LPA: variants seen among roughly 807,000 people sequenced by gnomAD.
LPA encodes lipoprotein(a).
In LPA, 199 loss-of-function variants were observed where a neutral mutation model predicts 197.9. The observed-to-expected ratio is 1.01, with a 90% CI of 0.90 to 1.13. The LOEUF is 1.13. LPA is among the 50% of genes most tolerant of loss of function. The pLI is 0.00. For missense variants in LPA, 1,853 were observed against 1,785.8 expected (o/e 1.04, Z -0.68); for synonymous variants, 715 against 639.5 (o/e 1.12, Z -1.78).
intron 36 of LPA, among the ~76,000 whole-genome samples, chr6:160,539,588 C>T (rs1777946430): frequency 1.3e-5 from 2 of 152,050 alleles, no homozygotes; most frequent in South Asian, 2.1e-4. Flanking sequence ...AAGTCCTGGG[C>T]TCAAGCAATT....
Position 160,664,226 on chromosome 6 carries a change from C to A in LPA, c.-12G>T, listed in dbSNP as rs1454607257. 6.9e-6 allele frequency: 11 copies of A among 1,605,352 alleles called. No individual in the cohort carries two copies. The Admixed American group carries it at 1.8e-4, about 27-fold the overall frequency. On this transcript the variant is annotated 5_prime_UTR_variant, in exon 1 of 39. Transcript: ENST00000316300. ...TCCTTATGTTCCATTTTGGGACTGG[C>A]CAGCAGTGCCCAGAAAGTGTGTCCC...
intron 7 of LPA, among the ~76,000 whole-genome samples, chr6:160,634,609 C>A (rs1278790719): frequency 1.3e-5 from 2 of 148,500 alleles, no homozygotes; most frequent in African/African-American, 5.2e-5. Context: ...AAGCCTAGGA[C>A]TGAAGAGCCT....
At chr6:160,544,389 A>T (rs1451601606) in intron 33 of LPA, among the ~76,000 whole-genome samples, 1 of 152,198 alleles carries the variant, frequency 6.6e-6, no homozygotes, top group Non-Finnish European at 1.5e-5. Flanking sequence ...GAAAAAAGTC[A>T]GCTATCAACT....
At chr6:160,594,941 C>T (rs1264643555) in intron 21 of LPA, among the ~76,000 whole-genome samples, 1 of 152,176 alleles carries the variant, frequency 6.6e-6, no homozygotes, top group Non-Finnish European at 1.5e-5. Flanking sequence ...GACTCAAAAA[C>T]CGCATTCCTC....
chr6:160,593,780 C>A (rs1305141115), intron 22 of LPA, among the ~76,000 whole-genome samples, 178 bp downstream of exon 22: 1 of 152,172 alleles, frequency 6.6e-6, no homozygotes, highest in South Asian at 2.1e-4. Flanking sequence ...GAAAAGAGAG[C>A]TGGCCTGACA....
At chr6:160,647,534 C>T (rs1187069708) in intron 2 of LPA, among the ~76,000 whole-genome samples, 1 of 152,180 alleles carries the variant, frequency 6.6e-6, no homozygotes. Context: ...GTACTAAGAG[C>T]CAGAGCTCTT....
chr6:160,651,945 A>C (rs1017738495), intron 1 of LPA, among the ~76,000 whole-genome samples: 2 of 152,034 alleles, frequency 1.3e-5, no homozygotes, highest in African/African-American at 4.8e-5. Flanking sequence ...CTAACAAAAT[A>C]ATCCATAAAC....
At chr6:160,611,415 G>A (rs886946987) in intron 16 of LPA, 147 bp downstream of exon 16, 17 of 1,480,106 alleles carry the variant, frequency 1.1e-5, no homozygotes, top group East Asian at 2.3e-5. Context: ...CAGACCCTTA[G>A]CTCCAAGGAA....
At chr6:160,651,367 C>T (rs1030335164) in intron 1 of LPA, among the ~76,000 whole-genome samples, 3 of 152,162 alleles carry the variant, frequency 2.0e-5, no homozygotes, top group African/African-American at 7.2e-5. Flanking sequence ...TAGATAGGAA[C>T]ACTGAGAAAA....
In LPA at chr6:160,572,425, A is replaced by G. The variant is rs73594879; in HGVS notation, c.4631+4711T>C. On this transcript the variant is annotated intron_variant, in intron 28 of 38. Coordinates refer to ENST00000316300, the MANE Select transcript of LPA (RefSeq NM_005577.4). ...AATGTGAGGTGCCACTGCATTCATC[A>G]TATTCTTTATTGCCTCCGTACTTTG... Among the ~76,000 whole-genome samples, 1,504 of 152,224 alleles carry G rather than the reference A, an allele frequency of 9.9e-3. 23 individuals are homozygous for G. The highest frequency in any genetic ancestry group is 0.034 in the African/African-American group (1,423 of 41,540).
At chr6:160,545,830 A>G (rs1778060822) in intron 32 of LPA, among the ~76,000 whole-genome samples, 1 of 152,096 alleles carries the variant, frequency 6.6e-6, no homozygotes, top group Non-Finnish European at 1.5e-5. Context: ...TTAGAGCTAG[A>G]GCCTCAGAGG....
chr6:160,557,857 T>C (rs537863130), intron 28 of LPA, among the ~76,000 whole-genome samples: 1 of 152,240 alleles, frequency 6.6e-6, no homozygotes, highest in Admixed American at 6.5e-5. Flanking sequence ...TCGGAATATC[T>C]TCCTCCTTCT....
In LPA at chr6:160,611,499, G is replaced by C. The variant is rs549928648; in HGVS notation, c.2603+63C>G. 25 of 1,595,398 alleles carry C rather than the reference G, an allele frequency of 1.6e-5. No homozygotes were observed. In the South Asian group the frequency reaches 2.1e-4, roughly 13 times the overall value. On this transcript the variant is annotated intron_variant, in intron 16 of 38. Transcript: ENST00000316300. ...GTTCGGAGAACTCAGCTTGAAGCATGTCTCTTGTCACAGAAACTTCAGTTG... is the reference window on the plus strand; with the variant it reads ...GTTCGGAGAACTCAGCTTGAAGCATCTCTCTTGTCACAGAAACTTCAGTTG...
At chr6:160,603,835 GCCTTTTTTTCTAGAAATTTA>G (rs980639474) in intron 18 of LPA, among the ~76,000 whole-genome samples, 1 of 152,108 alleles carries the variant, frequency 6.6e-6, no homozygotes, top group African/African-American at 2.4e-5. Context: ...GTCTAGAGCT[GCCTTTTTTTCTAGAAATTTA>G]CTAATTCTAC....
chr6:160,591,673 T>C (rs779325620), intron 22 of LPA, among the ~76,000 whole-genome samples: 40 of 152,220 alleles, frequency 2.6e-4, no homozygotes, highest in Non-Finnish European at 5.0e-4. Flanking sequence ...CCCTGTTACT[T>C]CAAATGGTGA....
intron 24 of LPA, among the ~76,000 whole-genome samples, chr6:160,589,048 AAC>A (rs1562333766): frequency 6.6e-6 from 1 of 152,226 alleles, no homozygotes; most frequent in Non-Finnish European, 1.5e-5. Flanking sequence ...ATGGGCTGGC[AAC>A]ACATAGCTTT....
intron 10 of LPA, among the ~76,000 whole-genome samples, chr6:160,626,903 TC>T (rs1779666743): frequency 1.1e-5 from 1 of 90,438 alleles, no homozygotes; most frequent in Admixed American, 1.2e-4. Flanking sequence ...AGTTGAGATT[TC>T]CTCTCACAGG....
At chr6:160,585,312 C>T (rs1218624311) in intron 25 of LPA, 107 bp from the exon 26 acceptor site, 1 of 1,026,518 alleles carries the variant, frequency 9.7e-7, no homozygotes, top group Non-Finnish European at 1.5e-6. Context: ...AATTTACACT[C>T]TTCTATATTA....
At chr6:160,648,747 C>G (rs1387478639) in intron 2 of LPA, among the ~76,000 whole-genome samples, 1 of 151,992 alleles carries the variant, frequency 6.6e-6, no homozygotes, top group East Asian at 1.9e-4. Flanking sequence ...CTTAGTAGTT[C>G]TTCGATTTGG....
Sources: allele counts gnomAD v4.1 joint callset (sites outside exome capture counted in the v4.1 genomes callset), GRCh38; gene constraint gnomAD v4.1.1; transcripts MANE v1.5; gene names NCBI Gene and HGNC (gene_info 2026-07-23, HGNC 2026-07-21).